The following ZFHX3 variants were observed in gnomAD, a reference collection of about 807,000 sequenced individuals.
ZFHX3 encodes the protein zinc finger homeobox 3, also known as zinc finger homeobox protein 3.
A neutral mutation model predicts 279.1 loss-of-function variants in ZFHX3; 42 were observed. That is an observed-to-expected ratio of 0.15 (90% CI 0.12 to 0.19). The LOEUF (loss-of-function observed/expected upper bound fraction) is 0.19. ZFHX3 is among the 10% of genes least tolerant of loss of function. The pLI, the probability that ZFHX3 is intolerant of heterozygous loss-of-function variation, is 1.00. For missense variants in ZFHX3, 4,981 were observed against 4,754.0 expected, an observed-to-expected ratio of 1.05 and a Z score of -1.40; for synonymous variants, 2,293 against 1,957.8, an observed-to-expected ratio of 1.17 and a Z score of -4.52.
chr16:72,876,301 G>A (rs759864447), intron 4 of ZFHX3, among the ~76,000 whole-genome samples: 5 of 152,140 alleles, frequency 3.3e-5, no homozygotes, highest in South Asian at 2.1e-4. Context: ...ATCCAGTCTC[G>A]CTTGAGAAAC....
At chr16:72,930,595 A>C (rs1411435674) in intron 3 of ZFHX3, among the ~76,000 whole-genome samples, 1 of 152,256 alleles carries the variant, frequency 6.6e-6, no homozygotes, top group Non-Finnish European at 1.5e-5. Flanking sequence ...GCTATGGAGC[A>C]GACAATAGCA....
intron 4 of ZFHX3, among the ~76,000 whole-genome samples, chr16:72,874,685 G>C (rs2038262386): frequency 6.6e-6 from 1 of 150,572 alleles, no homozygotes; most frequent in African/African-American, 2.4e-5. Context: ...TTTGAGACAG[G>C]GTCTCGCTGT....
At chr16:73,295,826 G>A (rs1401397186) in intron 4 of ZFHX3, among the ~76,000 whole-genome samples, 2 of 152,200 alleles carry the variant, frequency 1.3e-5, no homozygotes, top group Admixed American at 1.3e-4. Flanking sequence ...AAGAAGAATA[G>A]GGGACAGAGG....
chr16:73,881,199 C>T (rs1038043046), intron 1 of ZFHX3, among the ~76,000 whole-genome samples: 2 of 152,092 alleles, frequency 1.3e-5, no homozygotes, highest in African/African-American at 4.8e-5. Flanking sequence ...TCAGCTTGTG[C>T]GGTCCGCTGA....
chr16:73,655,353 CCATTATTCTTA>C (rs1184069616), intron 2 of ZFHX3, among the ~76,000 whole-genome samples: 1 of 152,062 alleles, frequency 6.6e-6, no homozygotes, highest in African/African-American at 2.4e-5. Context: ...AACTAAACTG[CCATTATTCTTA>C]CATAATTGTA....
intron 1 of ZFHX3, among the ~76,000 whole-genome samples, chr16:73,871,914 A>G (rs1264779800): frequency 6.6e-6 from 1 of 152,210 alleles, no homozygotes; most frequent in African/African-American, 2.4e-5. Flanking sequence ...ATAATTCCCA[A>G]TGAGACATAC....
At position 73,422,966 on chromosome 16, in the gene ZFHX3, G is replaced by C. The variant is rs144732677; in HGVS notation, c.-1291+33037C>G. ...GTTGGCAGGGTTGGTTTTTCCTGGG[G>C]CCTCTCTCCTTGGCTGTCTTCTCAT... is the stretch of plus-strand genomic sequence containing the variant. On this transcript the variant is annotated intron_variant, in intron 3 of 17. Coordinates refer to the ZFHX3 transcript ENST00000641206. Among the ~76,000 whole-genome samples, 975 of 152,242 alleles carry C rather than the reference G, an allele frequency of 6.4e-3. 5 individuals carry two copies. The highest frequency in any genetic ancestry group is 1.0e-2 in the Non-Finnish European group (679 of 68,010).
rs752241745 is a variant in ZFHX3 at position 72,957,468 on chromosome 16, A to G, written c.2678T>C (p.Leu893Pro). The G allele has an allele frequency of 6.2e-7, 1 of 1,613,584 alleles. No individual in the cohort carries two copies. Among genetic ancestry groups the G allele is most frequent in the Non-Finnish European group, 8.5e-7 (1 of 1,179,832 alleles). Reference protein sequence around the residue: ...DAQFMMSGFQLDPAGPMAAMT... With the variant: ...DAQFMMSGFQPDPAGPMAAMT... The stretch of plus-strand genomic sequence containing the variant: ...GGCGGCCATGGGCCCGGCGGGATCC[A>G]GCTGGAATCCGCTCATCATGAACTG... Residue 893 changes from leucine to proline, a missense_variant, in exon 2 of 10, where the codon CTG becomes CCG. Leu to Pro is a moderately conservative substitution (Grantham distance 98). This residue lies in a region of ZFHX3 where 1,751 missense variants were observed against 1,770.0 expected (regional missense o/e 0.99). Coordinates refer to ENST00000268489, the MANE Select transcript of ZFHX3 (RefSeq NM_006885.4).
At chr16:73,344,337 T>C (rs1217581896) in intron 3 of ZFHX3, among the ~76,000 whole-genome samples, 1 of 152,120 alleles carries the variant, frequency 6.6e-6, no homozygotes, top group Non-Finnish European at 1.5e-5. Flanking sequence ...ACAAAATAAA[T>C]GGTCTGTACT....
intron 5 of ZFHX3, among the ~76,000 whole-genome samples, chr16:73,249,718 G>A (rs1429631544): frequency 6.6e-6 from 1 of 151,892 alleles, no homozygotes; most frequent in East Asian, 1.9e-4. Context: ...AATTTCATTA[G>A]TGAAAATTCT....
rs191662142 is a variant in ZFHX3, at chr16:73,573,138, G to A, written c.-1547+107042C>T. 5.5e-4 allele frequency among the ~76,000 whole-genome samples: 84 copies of A among 152,218 alleles called. 1 individual carries two copies. The highest frequency in any genetic ancestry group is 1.9e-3 in the African/African-American group (80 of 41,534). On this transcript the variant is annotated intron_variant, in intron 2 of 17. Coordinates refer to the ZFHX3 transcript ENST00000641206. Reference sequence around the variant, plus strand: ...TATAGTGAATGAGGGGACAGGGTGCGTTTTATTGCATTTTATGCACTGCTA... The same window carrying A: ...TATAGTGAATGAGGGGACAGGGTGCATTTTATTGCATTTTATGCACTGCTA...
chr16:73,656,340 GAATA>G (rs1195447287), intron 2 of ZFHX3, among the ~76,000 whole-genome samples: 6 of 152,118 alleles, frequency 3.9e-5, no homozygotes, highest in African/African-American at 1.4e-4. Flanking sequence ...GTAACCAAGA[GAATA>G]CATACCAAAT....
At chr16:73,275,785 T>G (rs539689061) in intron 4 of ZFHX3, among the ~76,000 whole-genome samples, 1 of 152,356 alleles carries the variant, frequency 6.6e-6, no homozygotes, top group Admixed American at 6.5e-5. Context: ...CAAATACACT[T>G]GCTTGATGCA....
chr16:73,093,804 G>A (rs1966122081), intron 7 of ZFHX3: 2 of 270,188 alleles, frequency 7.4e-6, no homozygotes, highest in Non-Finnish European at 1.5e-5. Flanking sequence ...TGAGTGATGT[G>A]TTCACTTTTA....
intron 2 of ZFHX3, among the ~76,000 whole-genome samples, chr16:73,636,906 A>G (rs1220668138): frequency 1.3e-5 from 2 of 152,180 alleles, no homozygotes; most frequent in South Asian, 2.1e-4. Context: ...AGAATTTAAT[A>G]AAATGATTTT....
At chr16:73,474,851 G>A (rs1229799924) in intron 2 of ZFHX3, among the ~76,000 whole-genome samples, 1 of 152,238 alleles carries the variant, frequency 6.6e-6, no homozygotes, top group Admixed American at 6.5e-5. Flanking sequence ...GATGGAGCCA[G>A]CGGGTAAGAG....
At chr16:73,711,419 G>A (rs1293795532) in intron 1 of ZFHX3, among the ~76,000 whole-genome samples, 2 of 152,210 alleles carry the variant, frequency 1.3e-5, no homozygotes, top group Non-Finnish European at 2.9e-5. Context: ...CGAACAGTGA[G>A]CCTTGTTATA....
intron 4 of ZFHX3, among the ~76,000 whole-genome samples, chr16:73,311,589 CAAAAAAAAAAAA>C (rs1156241061): frequency 7.1e-5 from 2 of 27,978 alleles, no homozygotes; most frequent in Admixed American, 7.5e-4. Context: ...TACTCCATCT[CAAAAAAAAAAAA>C]AAAAAAAAAA....
At chr16:73,472,182 G>C (rs1196774687) in intron 2 of ZFHX3, among the ~76,000 whole-genome samples, 2 of 151,534 alleles carry the variant, frequency 1.3e-5, no homozygotes, top group East Asian at 3.9e-4. Context: ...AAAACACCCA[G>C]GGAGAATTAT....
Sources: allele counts gnomAD v4.1 joint callset (sites outside exome capture counted in the v4.1 genomes callset), GRCh38; gene constraint gnomAD v4.1.1; regional missense constraint gnomAD v4.1.1; transcripts MANE v1.5; gene names NCBI Gene and HGNC (gene_info 2026-07-23, HGNC 2026-07-21).